Variants in CYTH3 observed in about 807,000 individuals in gnomAD.
CYTH3 encodes cytohesin 3.
A neutral mutation model predicts 55.1 loss-of-function variants in CYTH3; 23 were observed. That is an observed-to-expected ratio of 0.42 (90% CI 0.30 to 0.59). The LOEUF is 0.59. Among genes scored for constraint, CYTH3 ranks in the 20% least tolerant of loss-of-function variants. The probability of loss-of-function intolerance (pLI) is 0.20; values close to 1 mark genes in which losing one functional copy is unlikely to be tolerated. For synonymous variants in CYTH3, 249 were observed against 194.9 expected (o/e 1.28, Z -2.31); for missense variants, 413 against 524.8 (o/e 0.79, Z 2.08).
chr7:6,193,540 C>A (rs990474805), intron 1 of CYTH3, among the ~76,000 whole-genome samples: 2 of 152,128 alleles, frequency 1.3e-5, no homozygotes, highest in Admixed American at 6.6e-5. Flanking sequence ...TGATTTAATC[C>A]ACATGGAAAA....
chr7:6,229,159 G>C (rs540208817), intron 1 of CYTH3, among the ~76,000 whole-genome samples: 1 of 152,128 alleles, frequency 6.6e-6, no homozygotes, highest in East Asian at 1.9e-4. Context: ...GAACTATGTC[G>C]TTATCAAAGT....
chr7:6,259,594 CTA>C (rs539219661), intron 1 of CYTH3, among the ~76,000 whole-genome samples: 86 of 149,276 alleles, frequency 5.8e-4, no homozygotes, highest in African/African-American at 1.9e-3. Context: ...CATGTCTATT[CTA>C]TGTTAATTGG....
intron 1 of CYTH3, among the ~76,000 whole-genome samples, chr7:6,254,682 TC>T (rs1294059458): frequency 2.6e-5 from 4 of 152,340 alleles, no homozygotes; most frequent in Non-Finnish European, 5.9e-5. Flanking sequence ...ACTCCTGACC[TC>T]AAACAATCTG....
intron 1 of CYTH3, among the ~76,000 whole-genome samples, chr7:6,209,900 G>T (rs1202200559): frequency 6.6e-6 from 1 of 152,180 alleles, no homozygotes; most frequent in East Asian, 1.9e-4. Context: ...TGGCATTCTG[G>T]AAAAGGCAAT....
chr7:6,211,915 G>A (rs1191653229), intron 1 of CYTH3, among the ~76,000 whole-genome samples: 1 of 152,164 alleles, frequency 6.6e-6, no homozygotes, highest in Non-Finnish European at 1.5e-5. Flanking sequence ...GAACCCAGGA[G>A]GTGAAGGTTG....
In CYTH3 at chr7:6,207,431, A is replaced by G. The variant is rs1382553528; in HGVS notation, c.35-16900T>C. On this transcript the variant is annotated intron_variant, in intron 1 of 12. Transcript: ENST00000350796. ...CTTAGAATCAGTGATATACAGCTAT[A>G]AAGAATGCCTACTTTTTAATGGAAT... Among the ~76,000 whole-genome samples, 3 of 152,104 alleles carry G rather than the reference A, an allele frequency of 2.0e-5. No homozygotes were observed. The South Asian group carries it at 6.2e-4, about 32-fold the overall frequency.
At chr7:6,166,329 G>A (rs1474259260) in intron 9 of CYTH3, among the ~76,000 whole-genome samples, 1 of 152,236 alleles carries the variant, frequency 6.6e-6, no homozygotes, top group Non-Finnish European at 1.5e-5. Flanking sequence ...TCTCCCTAAG[G>A]GAAGGAAATC....
chr7:6,208,708 T>C (rs1411586608), intron 1 of CYTH3, among the ~76,000 whole-genome samples: 1 of 152,100 alleles, frequency 6.6e-6, no homozygotes. Flanking sequence ...CATATCCAAC[T>C]ATTTTTTATT....
chr7:6,185,766 G>A (rs1480780171), intron 4 of CYTH3, among the ~76,000 whole-genome samples: 1 of 151,888 alleles, frequency 6.6e-6, no homozygotes, highest in Non-Finnish European at 1.5e-5. Context: ...TGCAAACCGT[G>A]AGCAGGAAAT....
In CYTH3 at chr7:6,252,130, T is replaced by C. The variant is rs533395781; in HGVS notation, c.34+20344A>G. Among the ~76,000 whole-genome samples, 6 of 152,342 alleles carry C rather than the reference T, an allele frequency of 3.9e-5. No individual in the cohort carries two copies. The East Asian group carries it at 1.2e-3, about 29-fold the overall frequency. On this transcript the variant is annotated intron_variant, in intron 1 of 12. Coordinates refer to ENST00000350796, the MANE Select transcript of CYTH3 (RefSeq NM_004227.4). ...TAGGCAAATGTGGAATGTAGTTTGA[T>C]TGAACTACTGATTCTGAATTTATTT...
intron 1 of CYTH3, among the ~76,000 whole-genome samples, chr7:6,258,751 A>G (rs974722792): frequency 2.0e-5 from 3 of 152,214 alleles, no homozygotes; most frequent in Admixed American, 6.5e-5. Context: ...TTTCAAATCA[A>G]GAGTTGTTAT....
rs907332737 is a variant in CYTH3, at chr7:6,164,050, T to A, written c.*894A>T. 6.6e-6 allele frequency: 1 copy of A among 152,042 alleles called. No individual in the cohort carries two copies. Among genetic ancestry groups the A allele is most frequent in the African/African-American group, 2.4e-5 (1 of 41,384 alleles). The allele number at this position is 152,042 out of a possible 1,614,324, so 9.4% of individuals were successfully genotyped here. A position where few individuals can be genotyped will look rare whatever the true frequency, so the allele number is the denominator to read the frequency against. ...TACAGCCTAAACACCCCCAAACCAT[T>A]AACTGTTATAATTTTAATGATTTGC... is the stretch of plus-strand genomic sequence containing the variant. On this transcript the variant is annotated 3_prime_UTR_variant, in exon 13 of 13. Coordinates refer to ENST00000350796, the MANE Select transcript of CYTH3 (RefSeq NM_004227.4).
chr7:6,164,967 G>A lies in CYTH3; in HGVS notation c.1177C>T (p.Arg393Ter). Residue 393 changes from arginine (R) to a stop codon, truncating the protein, a stop_gained, in exon 13 of 13, where the codon CGA becomes TGA. Transcript: ENST00000350796. LOFTEE classifies it high-confidence loss of function. ...AGCTATTTTTTATTGGCAATCCTTCGTTTCCTCGTTGCCAACATGTCATAG... is the reference window on the plus strand; with the variant it reads ...AGCTATTTTTTATTGGCAATCCTTCATTTCCTCGTTGCCAACATGTCATAG... The part of the protein sequence containing the change: ...PFYDMLATRK[R>*]RIANKK 6 of 1,614,186 alleles carry A rather than the reference G, an allele frequency of 3.7e-6. No homozygotes were observed. The highest frequency in any genetic ancestry group is 1.1e-5 in the South Asian group (1 of 91,084).
intron 1 of CYTH3, among the ~76,000 whole-genome samples, chr7:6,235,803 T>C (rs575647371): frequency 9.2e-5 from 14 of 152,310 alleles, no homozygotes; most frequent in African/African-American, 3.1e-4. Flanking sequence ...ATGTGGAGTT[T>C]TCTATTCTCT....
chr7:6,185,720 T>C (rs1300590015), intron 4 of CYTH3, among the ~76,000 whole-genome samples: 2 of 150,142 alleles, frequency 1.3e-5, no homozygotes, highest in South Asian at 2.1e-4. Context: ...AAAAAAATTA[T>C]CTGGGTGCAG....
At chr7:6,174,944 C>A (rs1010017904) in intron 5 of CYTH3, among the ~76,000 whole-genome samples, 3 of 152,122 alleles carry the variant, frequency 2.0e-5, no homozygotes, top group Non-Finnish European at 4.4e-5. Flanking sequence ...AGATCCTTTG[C>A]CAGTTTATAA....
At chr7:6,176,686 T>C (rs1229746653) in intron 5 of CYTH3, among the ~76,000 whole-genome samples, 1 of 152,212 alleles carries the variant, frequency 6.6e-6, no homozygotes, top group Non-Finnish European at 1.5e-5. Flanking sequence ...AGAATTTAAT[T>C]TCTTCCTTTC....
intron 1 of CYTH3, among the ~76,000 whole-genome samples, chr7:6,204,408 G>A (rs889106619): frequency 8.5e-5 from 13 of 152,220 alleles, no homozygotes; most frequent in Non-Finnish European, 1.5e-4. Flanking sequence ...CAGAGGCAGT[G>A]TACAGGATTC....
intron 1 of CYTH3, among the ~76,000 whole-genome samples, chr7:6,259,385 T>C (rs1402759773): frequency 1.3e-5 from 2 of 152,180 alleles, no homozygotes; most frequent in Non-Finnish European, 1.5e-5. Flanking sequence ...TTGAACAGTG[T>C]TCCTGGTGAC....
Sources: allele counts gnomAD v4.1 joint callset (sites outside exome capture counted in the v4.1 genomes callset), GRCh38; gene constraint gnomAD v4.1.1; transcripts MANE v1.5; gene names NCBI Gene and HGNC (gene_info 2026-07-23, HGNC 2026-07-21).